Variants in UTY observed in about 807,000 individuals in gnomAD.
UTY encodes ubiquitously transcribed tetratricopeptide repeat containing, Y-linked.
UTY carries 12 observed loss-of-function variants against 32.5 expected under a neutral mutation model. The observed-to-expected ratio is 0.37, with a 90% CI of 0.24 to 0.60. The LOEUF (loss-of-function observed/expected upper bound fraction) is 0.60, where lower values mean the gene tolerates loss of function less well. Among genes scored for constraint, UTY ranks in the 20% least tolerant of loss-of-function variants. The probability of loss-of-function intolerance (pLI) is 0.69; values close to 1 mark genes in which losing one functional copy is unlikely to be tolerated. For synonymous variants in UTY, 131 were observed against 103.4 expected, an observed-to-expected ratio of 1.27 and a Z score of -1.62; for missense variants, 303 against 299.2, an observed-to-expected ratio of 1.01 and a Z score of -0.09.
At chrY:13,406,040 A>G in intron 6 of UTY, among the ~76,000 whole-genome samples, 2 of 33,397 alleles carry the variant, frequency 6.0e-5, no homozygotes, top group African/African-American at 2.3e-4. Context: ...TATAATTAAA[A>G]GCAATTTCAA....
chrY:13,339,570 G>A, intron 17 of UTY, among the ~76,000 whole-genome samples: 1 of 33,650 alleles, frequency 3.0e-5, no homozygotes, highest in Non-Finnish European at 7.4e-5. Flanking sequence ...TGAAACTCAC[G>A]CCCTAACTGA....
chrY:13,443,362 T>C, intron 4 of UTY, among the ~76,000 whole-genome samples: 1 of 33,172 alleles, frequency 3.0e-5, no homozygotes, highest in Non-Finnish European at 7.4e-5. Context: ...AGCTTCGAGG[T>C]TGACTGGTCA....
In UTY at chrY:13,358,504, G is replaced by A. The variant is rs770633948; in HGVS notation, c.1436C>T (p.Ser479Phe). ...MITSSQVEGL[S>F]SPAKKKRTSS... The stretch of plus-strand genomic sequence containing the variant: ...TGTTCTTTTCTTCTTGGCAGGACTG[G>A]ACAGGCCTTCTACTTGGCTAGAAGT... Residue 479 changes from serine to phenylalanine, a missense_variant, in exon 14 of 30, where the codon TCC becomes TTC. Physicochemically the swap from Ser to Phe is radical, Grantham distance 155. Transcript: ENST00000545955. 21 of 376,463 alleles carry A rather than the reference G, an allele frequency of 5.6e-5. No homozygotes were observed. The Admixed American group carries it at 1.5e-3, about 27-fold the overall frequency. 93.9% of individuals were successfully genotyped at this position (376,463 alleles called of 400,897 possible).
intron 21 of UTY, among the ~76,000 whole-genome samples, chrY:13,314,362 C>T (rs776079934): frequency 3.0e-5 from 1 of 33,118 alleles, no homozygotes; most frequent in Non-Finnish European, 7.4e-5. Flanking sequence ...TGCAGTGAGC[C>T]GAGATTGTGC....
chrY:13,454,490 AAT>A (rs2076603769), intron 3 of UTY, among the ~76,000 whole-genome samples: 9 of 33,309 alleles, frequency 2.7e-4, no homozygotes, highest in South Asian at 2.1e-3. Flanking sequence ...TGACATATAC[AAT>A]ATGATATCAT....
intron 6 of UTY, among the ~76,000 whole-genome samples, chrY:13,401,680 A>C: frequency 3.1e-5 from 1 of 32,653 alleles, no homozygotes; most frequent in African/African-American, 1.2e-4. Flanking sequence ...GTTCAGGACC[A>C]GCCTGACCAA....
intron 8 of UTY, among the ~76,000 whole-genome samples, chrY:13,371,646 A>G: frequency 3.0e-5 from 1 of 33,415 alleles, no homozygotes; most frequent in Admixed American, 2.8e-4. Flanking sequence ...CATTATATAT[A>G]TGTACCCACC....
intron 27 of UTY, among the ~76,000 whole-genome samples, chrY:13,270,383 C>A: frequency 3.0e-5 from 1 of 33,057 alleles, no homozygotes; most frequent in Admixed American, 2.7e-4. Context: ...GCTAATGAGA[C>A]ATATGACATA....
At chrY:13,403,891 G>A (rs2069476737) in intron 6 of UTY, among the ~76,000 whole-genome samples, 1 of 32,296 alleles carries the variant, frequency 3.1e-5, no homozygotes, top group Non-Finnish European at 7.6e-5. Context: ...ACTCAATCCT[G>A]GAAAACAGTG....
At chrY:13,471,813 AC>A (rs2078530397) in intron 2 of UTY, among the ~76,000 whole-genome samples, 9 of 28,899 alleles carry the variant, frequency 3.1e-4, no homozygotes, top group Admixed American at 2.9e-3. Context: ...ACAGAGTGAG[AC>A]CCCGGCTCAA....
intron 18 of UTY, among the ~76,000 whole-genome samples, chrY:13,334,009 G>A: frequency 5.9e-5 from 2 of 33,715 alleles, no homozygotes; most frequent in South Asian, 1.3e-3. Flanking sequence ...CCGCTCTTCA[G>A]TAAGTTAAAG....
intron 8 of UTY, among the ~76,000 whole-genome samples, chrY:13,378,642 T>C: frequency 3.1e-5 from 1 of 32,446 alleles, no homozygotes; most frequent in Non-Finnish European, 7.6e-5. Flanking sequence ...AGGTATGGTG[T>C]CACACACCTG....
chrY:13,351,897 T>C, intron 17 of UTY, among the ~76,000 whole-genome samples: 1 of 33,859 alleles, frequency 3.0e-5, no homozygotes, highest in Non-Finnish European at 7.3e-5. Flanking sequence ...AAATTGAAGG[T>C]ATGTGGCAAC....
chrY:13,258,073 C>T (rs2054933020), intron 28 of UTY, among the ~76,000 whole-genome samples: 1 of 33,636 alleles, frequency 3.0e-5, no homozygotes, highest in African/African-American at 1.2e-4. Flanking sequence ...CACTCTATGA[C>T]ACAGTTACAC....
rs749548698 is a variant in UTY, at chrY:13,366,362, T to A, written c.771A>T (p.Gly257=). The A allele has an allele frequency of 5.2e-6, 2 of 388,243 alleles. No individual in the cohort carries two copies. Among genetic ancestry groups the A allele is most frequent in the South Asian group, 6.2e-5 (2 of 32,171 alleles). The change falls in exon 10 of 30, where the codon GGA becomes GGT. Residue 257 remains glycine (G), a synonymous_variant. Coordinates refer to ENST00000545955, the MANE Select transcript of UTY (RefSeq NM_001258249.2). ...CATAGCTTTCCTTTGTGGCTTTGTC[T>A]CCTACTAGATCCATATTATGATGCA... is the stretch of plus-strand genomic sequence containing the variant. ...GWMHHNMDLV[G]DKATKESYAI... is the part of the protein sequence containing the mutation.
intron 4 of UTY, among the ~76,000 whole-genome samples, chrY:13,424,879 T>C (rs112129410): frequency 0.11 from 3,752 of 33,644 alleles, no homozygotes; most frequent in Non-Finnish European, 0.19. Context: ...CATGAAATTA[T>C]AGACTATCAA....
chrY:13,274,675 A>T, intron 27 of UTY, among the ~76,000 whole-genome samples: 1 of 30,424 alleles, frequency 3.3e-5, no homozygotes, highest in East Asian at 8.1e-4. Flanking sequence ...CCCAGCTACG[A>T]GGGACGCTGA....
chrY:13,379,932 A>G, intron 8 of UTY, among the ~76,000 whole-genome samples: 1 of 18,904 alleles, frequency 5.3e-5, no homozygotes. Context: ...GTGTGTATGT[A>G]TGTGTATTTA....
chrY:13,398,016 A>C (rs772919807), intron 6 of UTY, among the ~76,000 whole-genome samples: 1 of 33,833 alleles, frequency 3.0e-5, no homozygotes, highest in African/African-American at 1.1e-4. Flanking sequence ...ATCATCATCT[A>C]CAATGAAAGT....
Sources: allele counts gnomAD v4.1 joint callset (sites outside exome capture counted in the v4.1 genomes callset), GRCh38; gene constraint gnomAD v4.1.1; transcripts MANE v1.5; gene names NCBI Gene and HGNC (gene_info 2026-07-23, HGNC 2026-07-21).